The following RGS20 variants were observed in gnomAD, a reference collection of about 807,000 sequenced individuals.
The protein encoded by RGS20 is regulator of G protein signaling 20, also known as gz-selective GTPase-activating protein.
In RGS20, 30 loss-of-function variants were observed where a neutral mutation model predicts 33.6. That is an observed-to-expected ratio of 0.89 (90% CI 0.67 to 1.21). The LOEUF (loss-of-function observed/expected upper bound fraction) is 1.21, where lower values mean the gene tolerates loss of function less well. RGS20 is among the 50% of genes most tolerant of loss of function. The probability of loss-of-function intolerance (pLI) is 0.00; values close to 1 mark genes in which losing one functional copy is unlikely to be tolerated. For synonymous variants in RGS20, 208 were observed against 197.9 expected, an observed-to-expected ratio of 1.05 and a Z score of -0.43; for missense variants, 472 against 502.4, an observed-to-expected ratio of 0.94 and a Z score of 0.58.
At chr8:53,890,122 T>C (rs1164083945) in intron 2 of RGS20, among the ~76,000 whole-genome samples, 1 of 152,172 alleles carries the variant, frequency 6.6e-6, no homozygotes, top group Non-Finnish European at 1.5e-5. Context: ...TTCCTTCATG[T>C]CTCTTATTGT....
chr8:53,885,570 C>T (rs1283685259), intron 2 of RGS20, among the ~76,000 whole-genome samples: 2 of 151,872 alleles, frequency 1.3e-5, no homozygotes, highest in African/African-American at 4.8e-5. Context: ...CCCGAGATTG[C>T]GCCACTGCAC....
intron 2 of RGS20, among the ~76,000 whole-genome samples, chr8:53,883,506 G>C (rs535612606): frequency 6.6e-6 from 1 of 152,252 alleles, no homozygotes; most frequent in East Asian, 1.9e-4. Context: ...ACGCATATGA[G>C]AGGCAGTGTT....
intron 1 of RGS20, among the ~76,000 whole-genome samples, chr8:53,865,154 T>G (rs116419145): frequency 1.1e-4 from 17 of 152,234 alleles, no homozygotes; most frequent in Non-Finnish European, 1.9e-4. Context: ...TTGTCCACTT[T>G]GGAGAGAACA....
At chr8:53,879,201 A>G (rs893164401) in intron 1 of RGS20, 23 of 1,444,014 alleles carry the variant, frequency 1.6e-5, no homozygotes, top group Non-Finnish European at 1.6e-5. Flanking sequence ...GCCCCATCTA[A>G]GCGGCCGGAC....
rs2130569043 is a variant in RGS20 at position 53,851,809 on chromosome 8, A to G, written c.-91A>G. The G allele has an allele frequency of 1.4e-6, 2 of 1,390,862 alleles. No individual in the cohort carries two copies. Among genetic ancestry groups the G allele is most frequent in the Middle Eastern group, 2.6e-4 (1 of 3,854 alleles). 86.2% of individuals were successfully genotyped at this position (1,390,862 alleles called of 1,614,324 possible). ...CCCACAGATTCAGAGCCAGCCCAGCATTAACCAAACAAAGAGAAGCAGAGT... is the reference window on the plus strand; with the variant it reads ...CCCACAGATTCAGAGCCAGCCCAGCGTTAACCAAACAAAGAGAAGCAGAGT... On this transcript the variant is annotated 5_prime_UTR_variant, in exon 1 of 6. Coordinates refer to ENST00000297313, the MANE Select transcript of RGS20 (RefSeq NM_170587.4).
chr8:53,883,600 C>A (rs1812458751), intron 2 of RGS20, among the ~76,000 whole-genome samples: 1 of 152,186 alleles, frequency 6.6e-6, no homozygotes, highest in Non-Finnish European at 1.5e-5. Context: ...TACTTATCCT[C>A]TCTGGGCGTT....
chr8:53,859,206 A>C (rs1811752906), intron 1 of RGS20, among the ~76,000 whole-genome samples: 1 of 152,226 alleles, frequency 6.6e-6, no homozygotes, highest in South Asian at 2.1e-4. Flanking sequence ...ACAAACGAAC[A>C]AACTTTTCAT....
intron 1 of RGS20, among the ~76,000 whole-genome samples, chr8:53,874,370 G>C (rs1357125491): frequency 1.3e-5 from 1 of 78,892 alleles, no homozygotes; most frequent in Non-Finnish European, 2.3e-5. Context: ...AATAAGGGGT[G>C]TGTGTGTGTG....
At chr8:53,928,750 G>A (rs961205392) in intron 2 of RGS20, among the ~76,000 whole-genome samples, 1 of 151,884 alleles carries the variant, frequency 6.6e-6, no homozygotes, top group East Asian at 1.9e-4. Context: ...TTGAACCTGG[G>A]AGGCAGAGGT....
intron 1 of RGS20, among the ~76,000 whole-genome samples, chr8:53,858,892 T>TAAA (rs76466731): frequency 1.9e-4 from 16 of 84,522 alleles, no homozygotes; most frequent in African/African-American, 5.2e-4. Flanking sequence ...GGGTTATGTT[T>TAAA]AAAAAAAAAA....
chr8:53,911,736 T>C (rs1364993761), intron 2 of RGS20, among the ~76,000 whole-genome samples: 1 of 151,938 alleles, frequency 6.6e-6, no homozygotes, highest in Non-Finnish European at 1.5e-5. Context: ...GGGTTCGAGA[T>C]CAGCCTGGCC....
Position 53,895,277 on chromosome 8 carries a change from A to T in RGS20, c.510+15675A>T, listed in dbSNP as rs1289980049. Among the ~76,000 whole-genome samples, 4 of 152,192 alleles carry T rather than the reference A, an allele frequency of 2.6e-5. No individual in the cohort carries two copies. In the East Asian group the frequency reaches 7.7e-4, roughly 29 times the overall value. On this transcript the variant is annotated intron_variant, in intron 2 of 5. Transcript: ENST00000297313. ...GCTGGAGGAGGAGATGCAAGATTCC[A>T]TGTTAGACCCTAGAGATGTCCAGGA...
At chr8:53,918,041 T>C (rs1437579524) in intron 2 of RGS20, among the ~76,000 whole-genome samples, 2 of 152,228 alleles carry the variant, frequency 1.3e-5, no homozygotes, top group Non-Finnish European at 2.9e-5. Context: ...TAAGACTTAG[T>C]CATGCCATAG....
At chr8:53,885,233 C>T (rs887793562) in intron 2 of RGS20, among the ~76,000 whole-genome samples, 2 of 152,314 alleles carry the variant, frequency 1.3e-5, no homozygotes, top group South Asian at 2.1e-4. Context: ...TTTATTTCCG[C>T]ATGTGGGCAT....
rs754757261 is a variant in RGS20 at position 53,939,702 on chromosome 8, T to G, written c.637T>G (p.Cys213Gly). 5 of 1,562,404 alleles carry G rather than the reference T, an allele frequency of 3.2e-6. No homozygotes were observed. Among genetic ancestry groups the G allele is most frequent in the Middle Eastern group, 1.7e-4 (1 of 5,992 alleles). ...GTCCAACGCATGCTGCTTCTGCTGGTGCTGCTGTTGTAGCTGCTCGTGGTA... is the reference window on the plus strand; with the variant it reads ...GTCCAACGCATGCTGCTTCTGCTGGGGCTGCTGTTGTAGCTGCTCGTGGTA... The change falls in exon 3 of 6, where the codon TGC becomes GGC. Residue 213 changes from cysteine (C) to glycine (G), a missense_variant. Physicochemically the swap from Cys to Gly is radical, Grantham distance 159. This residue lies in a region of RGS20 where 319 missense variants were observed against 283.4 expected (regional missense o/e 1.13). Coordinates refer to ENST00000297313, the MANE Select transcript of RGS20 (RefSeq NM_170587.4).
At chr8:53,934,458 T>C (rs1814069203) in intron 2 of RGS20, among the ~76,000 whole-genome samples, 1 of 152,190 alleles carries the variant, frequency 6.6e-6, no homozygotes. Context: ...GTTGCAATCC[T>C]AGTCTCTGAT....
At chr8:53,907,780 G>A (rs917360196) in intron 2 of RGS20, among the ~76,000 whole-genome samples, 1 of 152,004 alleles carries the variant, frequency 6.6e-6, no homozygotes, top group African/African-American at 2.4e-5. Context: ...ATTTTAGAGG[G>A]GTAGGAAATG....
intron 2 of RGS20, among the ~76,000 whole-genome samples, chr8:53,931,989 G>A (rs182536604): frequency 6.6e-6 from 1 of 152,302 alleles, no homozygotes; most frequent in East Asian, 1.9e-4. Context: ...TGTCTGTAAA[G>A]GATTTCATTT....
intron 2 of RGS20, chr8:53,879,627 C>T (rs751427417): frequency 1.4e-6 from 2 of 1,434,546 alleles, no homozygotes; most frequent in Non-Finnish European, 1.8e-6. Flanking sequence ...CTCCACTACG[C>T]CCCACACCCA....
Sources: allele counts gnomAD v4.1 joint callset (sites outside exome capture counted in the v4.1 genomes callset), GRCh38; gene constraint gnomAD v4.1.1; regional missense constraint gnomAD v4.1.1; transcripts MANE v1.5; gene names NCBI Gene and HGNC (gene_info 2026-07-23, HGNC 2026-07-21).